Variants in MAMLD1 observed in about 807,000 individuals in gnomAD.
The protein encoded by MAMLD1 is mastermind-like domain-containing protein 1.
A neutral mutation model predicts 45.0 loss-of-function variants in MAMLD1; 14 were observed. The observed-to-expected ratio is 0.31, with a 90% confidence interval of 0.21 to 0.49. The LOEUF (loss-of-function observed/expected upper bound fraction) is 0.49. Ranked by LOEUF, MAMLD1 falls within the 20% of genes least tolerant of loss-of-function variation. MAMLD1 has a pLI of 0.99. For missense variants in MAMLD1, 543 were observed against 603.6 expected (o/e 0.90, Z 1.05); for synonymous variants, 254 against 247.8 (o/e 1.02, Z -0.24).
At chrX:150,440,336 C>G (rs1206576672) in intron 1 of MAMLD1, among the ~76,000 whole-genome samples, 1 of 97,414 alleles carries the variant, frequency 1.0e-5, no homozygotes, top group Admixed American at 1.1e-4. Flanking sequence ...TTTTTTTTTT[C>G]TTGCTTGTAC....
intron 1 of MAMLD1, among the ~76,000 whole-genome samples, chrX:150,438,484 C>A (rs1053827480): frequency 8.9e-6 from 1 of 112,116 alleles, no homozygotes; most frequent in African/African-American, 3.2e-5. Flanking sequence ...AAAATAAAAC[C>A]TCATACTCAT....
chrX:150,369,380 A>G (rs1413065551), intron 1 of MAMLD1, among the ~76,000 whole-genome samples: 1 of 112,563 alleles, frequency 8.9e-6, no homozygotes, highest in Non-Finnish European at 1.9e-5. Flanking sequence ...TGAAACATCA[A>G]GTTCAACCTT....
At chrX:150,372,030 T>C (rs1018951938) in intron 1 of MAMLD1, among the ~76,000 whole-genome samples, 1 of 111,792 alleles carries the variant, frequency 8.9e-6, no homozygotes, top group African/African-American at 3.3e-5. Context: ...GAACATCCAT[T>C]TTGCACCCAT....
At chrX:150,379,900 GA>G (rs1194672718) in intron 1 of MAMLD1, among the ~76,000 whole-genome samples, 1 of 112,159 alleles carries the variant, frequency 8.9e-6, no homozygotes, top group Non-Finnish European at 1.9e-5. Flanking sequence ...GCATTGTGTA[GA>G]TGTACCATAG....
At chrX:150,479,648 G>A (rs781993707) in intron 5 of MAMLD1, among the ~76,000 whole-genome samples, 5 of 112,027 alleles carry the variant, frequency 4.5e-5, no homozygotes, top group African/African-American at 9.7e-5. Context: ...TTCAAAGAAC[G>A]TAAGAGGACA....
chrX:150,505,627 G>A (rs1164526743), intron 6 of MAMLD1, among the ~76,000 whole-genome samples: 3 of 111,809 alleles, frequency 2.7e-5, no homozygotes, highest in African/African-American at 9.8e-5. Flanking sequence ...GGTGTTCAGT[G>A]GGTTCCACCC....
intron 1 of MAMLD1, among the ~76,000 whole-genome samples, chrX:150,441,363 G>T (rs1340409985): frequency 9.3e-6 from 1 of 107,812 alleles, no homozygotes; most frequent in Non-Finnish European, 1.9e-5. Context: ...ATTCTTGTAG[G>T]TTCCTTAAGT....
Sources: allele counts gnomAD v4.1 joint callset (sites outside exome capture counted in the v4.1 genomes callset), GRCh38; gene constraint gnomAD v4.1.1; transcripts MANE v1.5; gene names NCBI Gene and HGNC (gene_info 2026-07-23, HGNC 2026-07-21).